The following CIAO3 variants were observed in gnomAD, a reference collection of about 807,000 sequenced individuals.
CIAO3 encodes the protein LET1 like/JFP15.
CIAO3 carries 45 observed loss-of-function variants against 51.5 expected under a neutral mutation model. That is an observed-to-expected ratio of 0.87 (90% CI 0.69 to 1.12). CIAO3 has a LOEUF of 1.12. CIAO3 is among the 50% of genes most tolerant of loss of function. The probability of loss-of-function intolerance (pLI) is 0.00; values close to 1 mark genes in which losing one functional copy is unlikely to be tolerated. For missense variants in CIAO3, 668 were observed against 632.5 expected, an observed-to-expected ratio of 1.06 and a Z score of -0.60; for synonymous variants, 314 against 269.3, an observed-to-expected ratio of 1.17 and a Z score of -1.63.
At position 737,131 on chromosome 16, in the gene CIAO3, G is replaced by C. The variant is rs1373538142; in HGVS notation, c.306+55C>G. 1.9e-6 allele frequency: 3 copies of C among 1,603,538 alleles called. No individual in the cohort carries two copies. Among genetic ancestry groups the C allele is most frequent in the African/African-American group, 1.3e-5 (1 of 74,766 alleles). On this transcript the variant is annotated intron_variant, in intron 3 of 10. Transcript: ENST00000251588. The surrounding 1 kb of genome is among the most constrained non-coding windows in gnomAD (Gnocchi z 5.3). ...CTGCCCTTGGCAAAACGCGTTGTCG[G>C]CTGCTGGGATGGATTTCAGGTTAAA... is the stretch of plus-strand genomic sequence containing the variant.
intron 2 of CIAO3, chr16:739,417 C>T (rs1032223296): frequency 1.7e-6 from 1 of 579,066 alleles, no homozygotes; most frequent in Non-Finnish European, 3.1e-6. Flanking sequence ...TGCAAATAGC[C>T]CCTCTGCTGA....
At position 732,309 on chromosome 16, in the gene CIAO3, C is replaced by T. The variant is rs374031518; in HGVS notation, c.888G>A (p.Leu296=). ...GTGGCAGACATACGTACAGGCTGTCCAGAGGGGCTGGTTCCAGGTCGGGGA... is the reference window on the plus strand; with the variant it reads ...GTGGCAGACATACGTACAGGCTGTCTAGAGGGGCTGGTTCCAGGTCGGGGA... ...VSLPDLEPAP[L]DSLCSGASAE... is the part of the protein sequence containing the mutation. The change falls in exon 8 of 11, where the codon CTG becomes CTA. Residue 296 remains leucine (L), a synonymous_variant. Transcript: ENST00000251588. 12 of 1,612,288 alleles carry T rather than the reference C, an allele frequency of 7.4e-6. No homozygotes were observed. In the African/African-American group the frequency reaches 1.2e-4, roughly 16 times the overall value.
intron 3 of CIAO3, among the ~76,000 whole-genome samples, chr16:736,732 C>T (rs914155158): frequency 2.0e-5 from 3 of 152,090 alleles, no homozygotes; most frequent in Admixed American, 6.6e-5. Flanking sequence ...GGCGCAATCT[C>T]GGCTCACTGC....
In CIAO3 at chr16:737,894, A is replaced by G. The variant is rs956109765; in HGVS notation, c.163-565T>C. The stretch of plus-strand genomic sequence containing the variant: ...GACATGCCTCAGCAACTTTTCTTAC[A>G]TGCAAAACGCACCCAGCTCGAGCTC... On this transcript the variant is annotated intron_variant, in intron 2 of 10. Coordinates refer to ENST00000251588, the MANE Select transcript of CIAO3 (RefSeq NM_022493.3). The surrounding 1 kb of genome is among the most constrained non-coding windows in gnomAD (Gnocchi z 5.3). 2.5e-6 allele frequency: 3 copies of G among 1,181,460 alleles called. No homozygotes were observed. Among genetic ancestry groups the G allele is most frequent in the East Asian group, 6.1e-5 (1 of 16,522 alleles). 73.2% of individuals were successfully genotyped at this position (1,181,460 alleles called of 1,614,324 possible).
chr16:738,321 A>G (rs1596675538), intron 2 of CIAO3: 7 of 983,322 alleles, frequency 7.1e-6, no homozygotes, highest in African/African-American at 5.3e-5. Context: ...TAGAGTCCAA[A>G]TGGCAGACAG....
In CIAO3 at chr16:736,354, T is replaced by C; in HGVS notation, c.351A>G (p.Ser117=). 2 of 1,613,012 alleles carry C rather than the reference T, an allele frequency of 1.2e-6. No homozygotes were observed. The highest frequency in any genetic ancestry group is 1.7e-6 in the Non-Finnish European group (2 of 1,179,804). The change falls in exon 4 of 11, where the codon TCA becomes TCG. Residue 117 remains serine, a synonymous_variant. Coordinates refer to ENST00000251588, the MANE Select transcript of CIAO3 (RefSeq NM_022493.3). ...CAGCCAGCGATGCTCTAGACTGTGG[T>C]GAGACCGAAACTACAACCAGCCTCT... ...SQQRLVVVSV[S]PQSRASLAAR... is the part of the protein sequence containing the mutation.
intron 1 of CIAO3, chr16:740,185 G>A (rs2041377505): frequency 1.8e-6 from 2 of 1,133,506 alleles, no homozygotes; most frequent in Non-Finnish European, 2.4e-6. Flanking sequence ...TGGCAGCCCA[G>A]AAAGCCGCCT....
chr16:739,358 TGGTTAGAACTAG>T, intron 2 of CIAO3: 1 of 457,002 alleles, frequency 2.2e-6, no homozygotes, highest in Non-Finnish European at 4.0e-6. Context: ...AAATCTTACA[TGGTTAGAACTAG>T]GGGGAACAGG....
rs1350597932 is a variant in CIAO3 at position 730,178 on chromosome 16, G to A, written c.*239C>T. The A allele has an allele frequency of 1.7e-6, 1 of 585,492 alleles. No individual in the cohort carries two copies. Among genetic ancestry groups the A allele is most frequent in the Admixed American group, 3.0e-5 (1 of 33,030 alleles). The allele number at this position is 585,492 out of a possible 1,614,324, so 36.3% of individuals were successfully genotyped here. Reference sequence around the variant, plus strand: ...CAACGGAACAGGCTCTGGGACCTCAGGGAACCTTCTGCTGCCTGGGCCACC... The same window carrying A: ...CAACGGAACAGGCTCTGGGACCTCAAGGAACCTTCTGCTGCCTGGGCCACC... On this transcript the variant is annotated 3_prime_UTR_variant, in exon 11 of 11. Coordinates refer to ENST00000251588, the MANE Select transcript of CIAO3 (RefSeq NM_022493.3).
At chr16:732,960 T>G (rs2041300777) in intron 7 of CIAO3, 6 of 341,934 alleles carry the variant, frequency 1.8e-5, no homozygotes, top group South Asian at 1.6e-4. Context: ...TGCCTCACAT[T>G]TGGGAGACTG....
intron 1 of CIAO3, chr16:740,150 T>A: frequency 7.8e-7 from 1 of 1,275,416 alleles, no homozygotes. Context: ...ACAAGTGGAT[T>A]TCTCTCTCTT....
At position 731,204 on chromosome 16, in the gene CIAO3, G is replaced by A. The variant is rs2151599998; in HGVS notation, c.1035-204C>T. 3 of 688,176 alleles carry A rather than the reference G, an allele frequency of 4.4e-6. No individual in the cohort carries two copies. In the East Asian group the frequency reaches 8.3e-5, roughly 19 times the overall value. The allele number at this position is 688,176 out of a possible 1,614,324, so 42.6% of individuals were successfully genotyped here. On this transcript the variant is annotated intron_variant, in intron 9 of 10. Transcript: ENST00000251588. ...AGTCCAGCAGGGGACCTCACCTCCAGCCTCGGGCTGTCTGTGAAACAGGCC... is the reference window on the plus strand; with the variant it reads ...AGTCCAGCAGGGGACCTCACCTCCAACCTCGGGCTGTCTGTGAAACAGGCC...
intron 3 of CIAO3, chr16:736,979 T>C: frequency 1.3e-5 from 8 of 623,886 alleles, no homozygotes; most frequent in South Asian, 1.2e-4. Flanking sequence ...GTCATTTTGA[T>C]GTATATTTAG....
chr16:732,180 C>G, intron 8 of CIAO3, 121 bp downstream of exon 8: 1 of 1,095,744 alleles, frequency 9.1e-7, no homozygotes, highest in East Asian at 2.4e-5. Context: ...GCCTGGCTAT[C>G]CAGCCACTTC....
At position 730,899 on chromosome 16, in the gene CIAO3, C is replaced by T. The variant is rs751157301; in HGVS notation, c.1136G>A (p.Arg379Lys). 6 of 1,612,948 alleles carry T rather than the reference C, an allele frequency of 3.7e-6. No homozygotes were observed. In the Admixed American group the frequency reaches 8.3e-5, roughly 22 times the overall value. Residue 379 changes from arginine (R) to lysine (K), a missense_variant, in exon 10 of 11, where the codon AGG (arginine) becomes AAG (lysine). By Grantham distance (26) the Arg-to-Lys change is conservative. Coordinates refer to ENST00000251588, the MANE Select transcript of CIAO3 (RefSeq NM_022493.3). The part of the protein sequence containing the change: ...GFRNIQNLVQ[R>K]LKRGRCPYHY... Reference sequence around the variant, plus strand: ...GTAGGGGCAGCGCCCTCGTTTGAGCCTCTGCACCAGGTTCTGGATGTTGCG... The same window carrying T: ...GTAGGGGCAGCGCCCTCGTTTGAGCTTCTGCACCAGGTTCTGGATGTTGCG...
rs555714144 is a variant in CIAO3 at position 737,913 on chromosome 16, C to T, written c.163-584G>A. 32 of 1,181,160 alleles carry T rather than the reference C, an allele frequency of 2.7e-5. No individual in the cohort carries two copies. The highest frequency in any genetic ancestry group is 3.4e-5 in the Non-Finnish European group (32 of 937,936). The allele number at this position is 1,181,160 out of a possible 1,614,324, so 73.2% of individuals were successfully genotyped here. On this transcript the variant is annotated intron_variant, in intron 2 of 10. Transcript: ENST00000251588. This position sits in a 1 kb window ranked among gnomAD's most constrained non-coding sequence, Gnocchi z 5.3. The stretch of plus-strand genomic sequence containing the variant: ...TCTTACATGCAAAACGCACCCAGCT[C>T]GAGCTCCCCCAACTTCTCCTGCAAA...
chr16:737,483 A>G lies in CIAO3; in HGVS notation c.163-154T>C. The stretch of plus-strand genomic sequence containing the variant: ...TTTTAAAAATTAGGTATGTATTACA[A>G]AAATGCACACGCACGCTCTACAGTT... On this transcript the variant is annotated intron_variant, in intron 2 of 10. Coordinates refer to ENST00000251588, the MANE Select transcript of CIAO3 (RefSeq NM_022493.3). The surrounding 1 kb of genome is among the most constrained non-coding windows in gnomAD (Gnocchi z 5.3). 6.6e-7 allele frequency: 1 copy of G among 1,522,588 alleles called. No homozygotes were observed. The highest frequency in any genetic ancestry group is 8.8e-7 in the Non-Finnish European group (1 of 1,137,852). 94.3% of individuals were successfully genotyped at this position (1,522,588 alleles called of 1,614,324 possible).
chr16:740,399 G>C, intron 1 of CIAO3: 1 of 319,612 alleles, frequency 3.1e-6, no homozygotes. Flanking sequence ...GGCGTCTAGC[G>C]GGCCGCCCCT....
At chr16:732,505 C>G in intron 7 of CIAO3, 132 bp from the exon 8 acceptor site, 1 of 1,043,778 alleles carries the variant, frequency 9.6e-7, no homozygotes, top group Admixed American at 1.9e-5. Flanking sequence ...CACCCTAGCC[C>G]GTGGTGGGGA....
Sources: gnomAD v4.1 joint callset for allele counts (sites outside exome capture counted in the v4.1 genomes callset) on GRCh38, gnomAD v4.1.1 for gene constraint, Gnocchi (gnomAD v3.1) non-coding constraint, MANE v1.5 for transcripts, NCBI Gene and HGNC (gene_info 2026-07-23, HGNC 2026-07-21) for gene names.